Variants in METTL25 observed in about 807,000 individuals in gnomAD.
METTL25 encodes the protein methyltransferase like 25.
METTL25 carries 64 observed loss-of-function variants against 71.6 expected under a neutral mutation model. That is an observed-to-expected ratio of 0.89 (90% CI 0.73 to 1.10). The LOEUF is 1.10. Ranked by LOEUF, METTL25 falls within the 50% of genes least tolerant of loss-of-function variation. The probability of loss-of-function intolerance (pLI) is 0.00; values close to 1 mark genes in which losing one functional copy is unlikely to be tolerated. For synonymous variants in METTL25, 287 were observed against 250.3 expected, an observed-to-expected ratio of 1.15 and a Z score of -1.38; for missense variants, 807 against 707.0, an observed-to-expected ratio of 1.14 and a Z score of -1.60.
chr12:82,364,887 G>T (rs925268175), intron 1 of METTL25, among the ~76,000 whole-genome samples: 8 of 152,066 alleles, frequency 5.3e-5, no homozygotes, highest in African/African-American at 1.9e-4. Flanking sequence ...TGGCTTGTCT[G>T]TATCTGCAAC....
At chr12:82,388,431 T>C (rs1348370583) in intron 2 of METTL25, among the ~76,000 whole-genome samples, 1 of 151,906 alleles carries the variant, frequency 6.6e-6, no homozygotes, top group Non-Finnish European at 1.5e-5. Flanking sequence ...TAGCTGCAAA[T>C]GGGTTCACTA....
At chr12:82,443,181 T>A (rs1890479876) in intron 8 of METTL25, among the ~76,000 whole-genome samples, 1 of 151,868 alleles carries the variant, frequency 6.6e-6, no homozygotes, top group Non-Finnish European at 1.5e-5. Flanking sequence ...ATCTTAAGAT[T>A]TGGGAAGTAC....
chr12:82,421,821 C>A (rs1355833310), intron 5 of METTL25, among the ~76,000 whole-genome samples: 2 of 152,168 alleles, frequency 1.3e-5, no homozygotes, highest in Non-Finnish European at 2.9e-5. Flanking sequence ...TTCCTTGACA[C>A]ATACACCCTC....
At chr12:82,375,018 A>G (rs1354542236) in intron 1 of METTL25, among the ~76,000 whole-genome samples, 2 of 152,206 alleles carry the variant, frequency 1.3e-5, no homozygotes, top group Admixed American at 6.5e-5. Context: ...GTTTAGAGAA[A>G]AGGAAGAATC....
chr12:82,392,363 T>G (rs1885675643), intron 3 of METTL25, among the ~76,000 whole-genome samples: 1 of 151,548 alleles, frequency 6.6e-6, no homozygotes, highest in Non-Finnish European at 1.5e-5. Flanking sequence ...GTGTTTGGTT[T>G]TTTGTTCTTG....
At chr12:82,475,858 C>G (rs769311284) in intron 9 of METTL25, among the ~76,000 whole-genome samples, 55 of 151,998 alleles carry the variant, frequency 3.6e-4, no homozygotes, top group Non-Finnish European at 7.2e-4. Context: ...TATATACTTA[C>G]CATTTGAGCA....
chr12:82,422,247 G>C (rs972934785), intron 5 of METTL25, among the ~76,000 whole-genome samples: 3 of 152,000 alleles, frequency 2.0e-5, no homozygotes, highest in African/African-American at 2.4e-5. Flanking sequence ...TTCAACATAC[G>C]CAAATCAATA....
chr12:82,398,980 A>G lies in METTL25; in HGVS notation c.717A>G (p.Ala239=), dbSNP rs1287522271. The G allele has an allele frequency of 2.5e-6, 4 of 1,608,788 alleles. No individual in the cohort carries two copies. Among genetic ancestry groups the G allele is most frequent in the Non-Finnish European group, 3.4e-6 (4 of 1,177,810 alleles). ...CAAGATTAGATGTCAATGGACTAGC[A>G]TTAAAAATGGCAAAAGAAAGGAAAG... The part of the protein sequence containing the change: ...AQSRLDVNGL[A]LKMAKERKVQ... Residue 239 remains alanine (A), a synonymous_variant, in exon 4 of 12, where the codon GCA becomes GCG. Coordinates refer to ENST00000248306, the MANE Select transcript of METTL25 (RefSeq NM_032230.3).
At chr12:82,360,405 A>G (rs1881687666) in intron 1 of METTL25, among the ~76,000 whole-genome samples, 1 of 151,918 alleles carries the variant, frequency 6.6e-6, no homozygotes, top group South Asian at 2.1e-4. Context: ...TTTGCAAGGG[A>G]TATAGCTGAT....
At chr12:82,457,487 CATA>C (rs1293103431) in intron 9 of METTL25, among the ~76,000 whole-genome samples, 2 of 151,896 alleles carry the variant, frequency 1.3e-5, no homozygotes, top group Non-Finnish European at 2.9e-5. Flanking sequence ...GTTACAAGGA[CATA>C]ATAATGTTAT....
rs146685752 is a variant in METTL25 at position 82,427,941 on chromosome 12, G to C, written c.1280-2952G>C. Reference sequence around the variant, plus strand: ...ACAGGGACATTTATATTTCAATCCAGAGGTCAACAAGTAGAACTGCTCTAG... The same window carrying C: ...ACAGGGACATTTATATTTCAATCCACAGGTCAACAAGTAGAACTGCTCTAG... On this transcript the variant is annotated intron_variant, in intron 5 of 11. Transcript: ENST00000248306. 7.9e-5 allele frequency among the ~76,000 whole-genome samples: 12 copies of C among 152,038 alleles called. No homozygotes were observed. The East Asian group carries it at 2.1e-3, about 27-fold the overall frequency.
chr12:82,449,588 G>C (rs1460606702), intron 8 of METTL25, among the ~76,000 whole-genome samples: 1 of 152,084 alleles, frequency 6.6e-6, no homozygotes, highest in Admixed American at 6.6e-5. Flanking sequence ...CAGTTTAGAA[G>C]ACATCTCTGT....
chr12:82,440,332 C>G (rs1890224723), intron 8 of METTL25, among the ~76,000 whole-genome samples: 1 of 151,950 alleles, frequency 6.6e-6, no homozygotes, highest in African/African-American at 2.4e-5. Context: ...TCATTTTCAT[C>G]TGAATAACTT....
intron 5 of METTL25, among the ~76,000 whole-genome samples, chr12:82,412,192 C>G (rs750565401): frequency 2.0e-5 from 3 of 152,056 alleles, no homozygotes; most frequent in Non-Finnish European, 4.4e-5. Context: ...AATAACTGAA[C>G]TCTTTTTCTT....
chr12:82,383,980 T>G (rs544218396), intron 1 of METTL25, among the ~76,000 whole-genome samples: 2 of 152,270 alleles, frequency 1.3e-5, no homozygotes, highest in South Asian at 4.1e-4. Flanking sequence ...TAAGAACCCA[T>G]CTTATAACTT....
rs371101974 is a variant in METTL25 at position 82,417,218 on chromosome 12, A to G, written c.1280-13675A>G. Among the ~76,000 whole-genome samples, 418 of 152,248 alleles carry G rather than the reference A, an allele frequency of 2.7e-3. 2 individuals carry two copies. Among genetic ancestry groups the G allele is most frequent in the Non-Finnish European group, 4.0e-3 (269 of 68,002 alleles). Reference sequence around the variant, plus strand: ...AAATACTTGACTTGAAAAAAAATCTATATTTTGTGGGAGATTGTAAGATGC... The same window carrying G: ...AAATACTTGACTTGAAAAAAAATCTGTATTTTGTGGGAGATTGTAAGATGC... On this transcript the variant is annotated intron_variant, in intron 5 of 11. Coordinates refer to ENST00000248306, the MANE Select transcript of METTL25 (RefSeq NM_032230.3).
intron 1 of METTL25, among the ~76,000 whole-genome samples, chr12:82,375,355 C>T (rs986026386): frequency 2.6e-5 from 4 of 152,092 alleles, no homozygotes; most frequent in African/African-American, 9.7e-5. Context: ...GGAGCACCAT[C>T]TTGGAAGCAG....
intron 5 of METTL25, among the ~76,000 whole-genome samples, chr12:82,417,956 A>AC (rs1888133779): frequency 1.3e-5 from 2 of 152,150 alleles, no homozygotes; most frequent in African/African-American, 4.8e-5. Flanking sequence ...CAAAGGCAGG[A>AC]ACCTGTTGGC....
At chr12:82,476,510 T>C (rs918519628) in intron 9 of METTL25, 134 bp from the exon 10 acceptor site, 2 of 636,396 alleles carry the variant, frequency 3.1e-6, no homozygotes, top group Non-Finnish European at 5.6e-6. Flanking sequence ...TTCATGAATA[T>C]CCTTAGAGCG....
Sources: gnomAD v4.1 joint callset for allele counts (sites outside exome capture counted in the v4.1 genomes callset) on GRCh38, gnomAD v4.1.1 for gene constraint, MANE v1.5 for transcripts, NCBI Gene and HGNC (gene_info 2026-07-23, HGNC 2026-07-21) for gene names.